The following HKDC1 variants were observed in gnomAD, a reference collection of about 807,000 sequenced individuals.
The protein encoded by HKDC1 is hexokinase HKDC1.
In HKDC1, 66 loss-of-function variants were observed where a neutral mutation model predicts 96.6. That is an observed-to-expected ratio of 0.68 (90% CI 0.56 to 0.84). The LOEUF is 0.84. Ranked by LOEUF, HKDC1 falls within the 40% of genes least tolerant of loss-of-function variation. The probability of loss-of-function intolerance (pLI) is 0.00; values close to 1 mark genes in which losing one functional copy is unlikely to be tolerated. For synonymous variants in HKDC1, 466 were observed against 473.1 expected (o/e 0.98, Z 0.20); for missense variants, 1,211 against 1,208.1 (o/e 1.00, Z -0.04).
At position 69,256,927 on chromosome 10, in the gene HKDC1, C is replaced by T. The variant is rs985380744; in HGVS notation, c.1837-109C>T. The T allele has an allele frequency of 4.5e-5, 36 of 799,882 alleles. No homozygotes were observed. In the East Asian group the frequency reaches 4.6e-4, roughly 10 times the overall value. The allele number at this position is 799,882 out of a possible 1,614,324, so 49.5% of individuals were successfully genotyped here. ...AGGTGGAGGCATAGTCAAAAGCACACGTACTTGACAAGCAGCCAGCTATAG... is the reference window on the plus strand; with the variant it reads ...AGGTGGAGGCATAGTCAAAAGCACATGTACTTGACAAGCAGCCAGCTATAG... On this transcript the variant is annotated intron_variant, in intron 12 of 17. Coordinates refer to ENST00000354624, the MANE Select transcript of HKDC1 (RefSeq NM_025130.4).
intron 6 of HKDC1, among the ~76,000 whole-genome samples, chr10:69,241,507 G>T (rs934619633): frequency 6.6e-6 from 1 of 151,736 alleles, no homozygotes. Flanking sequence ...TATTTGAGAC[G>T]GAGTCTTGCT....
chr10:69,257,696 A>T (rs1294916183), intron 14 of HKDC1, among the ~76,000 whole-genome samples: 1 of 151,946 alleles, frequency 6.6e-6, no homozygotes, highest in Non-Finnish European at 1.5e-5. Context: ...GGGGGGGGGA[A>T]GGAGACTACA....
At position 69,258,864 on chromosome 10, in the gene HKDC1, GT is replaced by G; in HGVS notation, c.2122del (p.Trp708GlyfsTer10). ...AAGGGAAGATGTGCATCAATACAGA[GT>G]GGGGAGGATTTGGAGACAATGGCTG... Reference protein sequence around the residue: ...GEGKMCINTEWGGFGDNGCID... With the variant: ...GEGKMCINTEXGGFGDNGCID... On this transcript the variant is annotated frameshift_variant, in exon 15 of 18. Coordinates refer to ENST00000354624, the MANE Select transcript of HKDC1 (RefSeq NM_025130.4). LOFTEE classifies it high-confidence loss of function. The G allele has an allele frequency of 1.2e-6, 2 of 1,613,626 alleles. No individual in the cohort carries two copies. Among genetic ancestry groups the G allele is most frequent in the Non-Finnish European group, 1.7e-6 (2 of 1,179,856 alleles).
chr10:69,257,385 G>T lies in HKDC1; in HGVS notation c.1991G>T (p.Cys664Phe), dbSNP rs1438227545. 6.2e-7 allele frequency: 1 copy of T among 1,614,000 alleles called. No individual in the cohort carries two copies. Among genetic ancestry groups the T allele is most frequent in the Non-Finnish European group, 8.5e-7 (1 of 1,179,948 alleles). ...VNDTVGTMMT[C>F]GYEDPNCEIG... ...GATACAGTGGGGACCATGATGACCT[G>T]TGGCTATGAAGATCCTAATTGTGAG... Residue 664 changes from cysteine to phenylalanine, a missense_variant, in exon 14 of 18, where the codon TGT (cysteine) becomes TTT (phenylalanine). Coordinates refer to ENST00000354624, the MANE Select transcript of HKDC1 (RefSeq NM_025130.4).
chr10:69,229,587 G>A (rs780336326), intron 2 of HKDC1, among the ~76,000 whole-genome samples: 29 of 152,186 alleles, frequency 1.9e-4, no homozygotes, highest in Non-Finnish European at 4.1e-4. Context: ...TACAGACAAG[G>A]TGTGTCCCCA....
intron 1 of HKDC1, among the ~76,000 whole-genome samples, chr10:69,225,247 G>A (rs1247563026): frequency 6.6e-6 from 1 of 152,204 alleles, no homozygotes; most frequent in Non-Finnish European, 1.5e-5. Flanking sequence ...AAAATGATCA[G>A]TAGGTTCAGG....
At chr10:69,223,903 A>G (rs1268409010) in intron 1 of HKDC1, among the ~76,000 whole-genome samples, 1 of 150,902 alleles carries the variant, frequency 6.6e-6, no homozygotes, top group Non-Finnish European at 1.5e-5. Context: ...ACTTTCAAAA[A>G]CATTTTTAAT....
At chr10:69,238,323 C>T (rs759070945) in intron 4 of HKDC1, among the ~76,000 whole-genome samples, 2 of 151,984 alleles carry the variant, frequency 1.3e-5, no homozygotes, top group Non-Finnish European at 2.9e-5. Context: ...GTTTTGTGGA[C>T]CTGGCAAACC....
intron 12 of HKDC1, among the ~76,000 whole-genome samples, chr10:69,256,185 T>G (rs974992141): frequency 6.6e-6 from 1 of 152,202 alleles, no homozygotes; most frequent in African/African-American, 2.4e-5. Flanking sequence ...TTGTTTGACG[T>G]GCTTTCAATT....
Position 69,236,503 on chromosome 10 carries a change from G to A in HKDC1, c.496-2539G>A, listed in dbSNP as rs545995574. On this transcript the variant is annotated intron_variant, in intron 4 of 17. Transcript: ENST00000354624. ...CATTTAATTATATCAAGGAGAGGCC[G>A]GGCACAGTGGCTCATGCCTGTAATC... Among the ~76,000 whole-genome samples the A allele has an allele frequency of 3.3e-5, 5 of 151,710 alleles. No individual in the cohort carries two copies. In the South Asian group the frequency reaches 1.0e-3, roughly 32 times the overall value.
chr10:69,255,052 C>A (rs915929009), intron 12 of HKDC1, among the ~76,000 whole-genome samples: 2 of 152,198 alleles, frequency 1.3e-5, no homozygotes, highest in Non-Finnish European at 2.9e-5. Flanking sequence ...GGGAGGGTGC[C>A]GTGTGCAGCT....
chr10:69,252,472 C>T (rs753373259), intron 12 of HKDC1, among the ~76,000 whole-genome samples: 4 of 152,022 alleles, frequency 2.6e-5, no homozygotes, highest in South Asian at 4.2e-4. Context: ...GGTGAAACCC[C>T]GTCTCTACTA....
Position 69,266,761 on chromosome 10 carries a change from C to A in HKDC1, c.*4C>A. 11 of 1,610,982 alleles carry A rather than the reference C, an allele frequency of 6.8e-6. No homozygotes were observed. The highest frequency in any genetic ancestry group is 9.3e-6 in the Non-Finnish European group (11 of 1,179,020). ...GCAGGCACAGAAGGAGAACTAGGAA[C>A]CCCTGGGATTGGACCTGATGCATCT... On this transcript the variant is annotated 3_prime_UTR_variant, in exon 18 of 18. Transcript: ENST00000354624.
chr10:69,266,528 T>C, intron 17 of HKDC1, 82 bp from the exon 18 acceptor site: 1 of 1,452,088 alleles, frequency 6.9e-7, no homozygotes, highest in Non-Finnish European at 9.4e-7. Flanking sequence ...GGGAAGAAGC[T>C]AAAGAAATTA....
chr10:69,233,814 C>T (rs549017961), intron 4 of HKDC1, among the ~76,000 whole-genome samples: 58 of 141,900 alleles, frequency 4.1e-4, no homozygotes, highest in African/African-American at 1.5e-3. Context: ...AGGAGAATGG[C>T]GTGAACCCGG....
intron 6 of HKDC1, among the ~76,000 whole-genome samples, chr10:69,241,647 C>T (rs1843458610): frequency 6.6e-6 from 1 of 152,078 alleles, no homozygotes; most frequent in South Asian, 2.1e-4. Flanking sequence ...CCACGGCTGG[C>T]CAATTTTTTG....
chr10:69,265,655 A>G lies in HKDC1; in HGVS notation c.2443A>G (p.Ser815Gly). Reference protein sequence around the residue: ...QLGLDSTCEDSIVVKEVCGAV... With the variant: ...QLGLDSTCEDGIVVKEVCGAV... ...GGGCCTGGACAGCACGTGTGAGGACAGCATCGTGGTGAAGGAGGTGTGCGG... is the reference window on the plus strand; with the variant it reads ...GGGCCTGGACAGCACGTGTGAGGACGGCATCGTGGTGAAGGAGGTGTGCGG... The change falls in exon 17 of 18, where the codon AGC (serine) becomes GGC (glycine). Residue 815 changes from serine to glycine, a missense_variant. By Grantham distance (56) the Ser-to-Gly change is moderately conservative. Coordinates refer to ENST00000354624, the MANE Select transcript of HKDC1 (RefSeq NM_025130.4). 1 of 1,614,132 alleles carries G rather than the reference A, an allele frequency of 6.2e-7. No homozygotes were observed.
chr10:69,235,575 C>T (rs960569060), intron 4 of HKDC1, among the ~76,000 whole-genome samples: 4 of 152,086 alleles, frequency 2.6e-5, no homozygotes, highest in African/African-American at 9.7e-5. Flanking sequence ...GGAATCAGGG[C>T]CCTGGCTGGA....
chr10:69,233,057 C>A lies in HKDC1; in HGVS notation c.419C>A (p.Thr140Asn), dbSNP rs775556630. The A allele has an allele frequency of 6.2e-7, 1 of 1,614,032 alleles. No individual in the cohort carries two copies. Among genetic ancestry groups the A allele is most frequent in the African/African-American group, 1.3e-5 (1 of 74,916 alleles). The change falls in exon 4 of 18, where the codon ACC (threonine) becomes AAC (asparagine). Residue 140 changes from threonine to asparagine, a missense_variant. Coordinates refer to ENST00000354624, the MANE Select transcript of HKDC1 (RefSeq NM_025130.4). The part of the protein sequence containing the change: ...VADCLADFMK[T>N]KDLKHKKLPL... ...GACTGTCTGGCAGATTTCATGAAGACCAAAGATTTAAAGCATAAGAAATTG... is the reference window on the plus strand; with the variant it reads ...GACTGTCTGGCAGATTTCATGAAGAACAAAGATTTAAAGCATAAGAAATTG...
Sources: gnomAD v4.1 joint callset for allele counts (sites outside exome capture counted in the v4.1 genomes callset) on GRCh38, gnomAD v4.1.1 for gene constraint, MANE v1.5 for transcripts, NCBI Gene and HGNC (gene_info 2026-07-23, HGNC 2026-07-21) for gene names.